MED1: variants seen among roughly 807,000 people sequenced by gnomAD.
MED1 encodes mediator complex subunit 1.
In MED1, 17 loss-of-function variants were observed where a neutral mutation model predicts 121.3. That is an observed-to-expected ratio of 0.14 (90% confidence interval 0.10 to 0.21). The LOEUF is 0.21. Among genes scored for constraint, MED1 ranks in the 10% least tolerant of loss-of-function variants. The probability of loss-of-function intolerance (pLI) is 1.00; values close to 1 mark genes in which losing one functional copy is unlikely to be tolerated. For missense variants in MED1, 1,558 were observed against 1,919.4 expected (o/e 0.81, Z 3.52); for synonymous variants, 661 against 694.4 (o/e 0.95, Z 0.76).
At chr17:39,434,162 A>T (rs2048596609) in intron 7 of MED1, 87 bp downstream of exon 7, 1 of 829,414 alleles carries the variant, frequency 1.2e-6, no homozygotes. Flanking sequence ...CAAACAGCAG[A>T]AGAGGTGGCA....
intron 2 of MED1, among the ~76,000 whole-genome samples, chr17:39,443,965 T>C (rs558084829): frequency 6.6e-6 from 1 of 152,240 alleles, no homozygotes; most frequent in Admixed American, 6.5e-5. Context: ...CCTGTTTCTA[T>C]TTAGTCAAAA....
In MED1 at chr17:39,408,112, C is replaced by T. The variant is rs1567917358; in HGVS notation, c.4109G>A (p.Ser1370Asn). The T allele has an allele frequency of 1.2e-6, 2 of 1,614,176 alleles. No individual in the cohort carries two copies. The highest frequency in any genetic ancestry group is 1.7e-6 in the Non-Finnish European group (2 of 1,180,036). Reference sequence around the variant, plus strand: ...GGTCTTCTTAGAAGAATCCACTGAACTCCCGGAGGTGGAAACCTTTGATTT... The same window carrying T: ...GGTCTTCTTAGAAGAATCCACTGAATTCCCGGAGGTGGAAACCTTTGATTT... ...KDKSKVSTSG[S>N]SVDSSKKTSE... The change falls in exon 17 of 17, where the codon AGT becomes AAT. Residue 1370 changes from serine to asparagine, a missense_variant. By Grantham distance (46) the Ser-to-Asn change is conservative. Transcript: ENST00000300651. The surrounding 1 kb of genome is among the most constrained non-coding windows in gnomAD (Gnocchi z 4.7).
rs1156564776 is a variant in MED1 at position 39,410,242 on chromosome 17, A to G, written c.1979T>C (p.Leu660Pro). 2.5e-6 allele frequency: 4 copies of G among 1,613,502 alleles called. No homozygotes were observed. The African/African-American group carries it at 5.4e-5, about 22-fold the overall frequency. The change falls in exon 17 of 17, where the codon CTT becomes CCT. Residue 660 changes from leucine (L) to proline (P), a missense_variant. By Grantham distance (98) the Leu-to-Pro change is moderately conservative. Around this residue, in one of 5 missense-constraint regions of MED1, gnomAD observed 793 missense variants for 898.2 expected, o/e 0.88. Transcript: ENST00000300651. ...CCTTTCTAAAGGGCTGCTTCCATAA[A>G]GGGTTGAGAAATCCTGGGCAGGATT... Reference protein sequence around the residue: ...KDNPAQDFSTLYGSSPLERQN... With the variant: ...KDNPAQDFSTPYGSSPLERQN...
rs773606600 is a variant in MED1, at chr17:39,440,988, A to G, written c.212-311T>C. Among the ~76,000 whole-genome samples the G allele has an allele frequency of 6.6e-6, 1 of 152,214 alleles. No individual in the cohort carries two copies. The highest frequency in any genetic ancestry group is 2.1e-4 in the South Asian group (1 of 4,834). ...TAATGATAGAATAAGGAAGATTAACATTAAAACTAACATTAAAAAAAACTC... is the reference window on the plus strand; with the variant it reads ...TAATGATAGAATAAGGAAGATTAACGTTAAAACTAACATTAAAAAAAACTC... On this transcript the variant is annotated intron_variant, in intron 3 of 16. Transcript: ENST00000300651. This position sits in a 1 kb window ranked among gnomAD's most constrained non-coding sequence, Gnocchi z 4.1.
Position 39,440,032 on chromosome 17 carries a change from A to T in MED1, c.399+354T>A, listed in dbSNP as rs867202021. The stretch of plus-strand genomic sequence containing the variant: ...AAGGAAGGAAGGAAAGAAAGAAAGA[A>T]AGAGAGAAAGAGAAAGAAAGAAAAG... On this transcript the variant is annotated intron_variant, in intron 5 of 16. Coordinates refer to ENST00000300651, the MANE Select transcript of MED1 (RefSeq NM_004774.4). This position sits in a 1 kb window ranked among gnomAD's most constrained non-coding sequence, Gnocchi z 4.1. 7.0e-6 allele frequency among the ~76,000 whole-genome samples: 1 copy of T among 142,664 alleles called. No homozygotes were observed. The highest frequency in any genetic ancestry group is 2.5e-5 in the African/African-American group (1 of 40,530). The allele number at this position is 142,664 out of a possible 152,430, so 93.6% of individuals were successfully genotyped here.
chr17:39,417,096 C>G (rs963277308), intron 14 of MED1, among the ~76,000 whole-genome samples: 2 of 150,854 alleles, frequency 1.3e-5, no homozygotes, highest in Non-Finnish European at 3.0e-5. Flanking sequence ...TTTGGGAGGC[C>G]GAGGCAGGCA....
chr17:39,440,224 A>C lies in MED1; in HGVS notation c.399+162T>G, dbSNP rs1252670576. 6.6e-6 allele frequency among the ~76,000 whole-genome samples: 1 copy of C among 152,122 alleles called. No homozygotes were observed. Among genetic ancestry groups the C allele is most frequent in the Non-Finnish European group, 1.5e-5 (1 of 68,028 alleles). On this transcript the variant is annotated intron_variant, in intron 5 of 16. Transcript: ENST00000300651. This position sits in a 1 kb window ranked among gnomAD's most constrained non-coding sequence, Gnocchi z 4.1. ...TCAGAGATGGGACCCATATTTTCTA[A>C]ATCCCATTCTATAGCTGTTGATTTT...
chr17:39,439,124 C>G, intron 6 of MED1, 41 bp downstream of exon 6: 1 of 1,571,016 alleles, frequency 6.4e-7, no homozygotes, highest in Non-Finnish European at 8.6e-7. Flanking sequence ...AAGAACAGCA[C>G]TGTCTGTCAA....
At chr17:39,428,691 A>G (rs1338313757) in intron 9 of MED1, among the ~76,000 whole-genome samples, 3 of 151,124 alleles carry the variant, frequency 2.0e-5, no homozygotes, top group East Asian at 2.0e-4. Context: ...GGTGGCACAC[A>G]CCTGTAATCC....
chr17:39,426,990 G>A (rs988980646), intron 10 of MED1, among the ~76,000 whole-genome samples: 5 of 151,844 alleles, frequency 3.3e-5, no homozygotes, highest in African/African-American at 9.7e-5. Flanking sequence ...GCACGATCAT[G>A]GTATGCTACA....
At chr17:39,438,836 C>A (rs1464344491) in intron 6 of MED1, among the ~76,000 whole-genome samples, 1 of 152,146 alleles carries the variant, frequency 6.6e-6, no homozygotes, top group Non-Finnish European at 1.5e-5. Context: ...GCAGTCCCAG[C>A]CGCTCTGGAG....
intron 7 of MED1, among the ~76,000 whole-genome samples, 192 bp downstream of exon 7, chr17:39,434,057 G>A (rs2048595481): frequency 6.6e-6 from 1 of 152,088 alleles, no homozygotes; most frequent in Admixed American, 6.6e-5. Flanking sequence ...CATTATGATC[G>A]ATTAATGCAG....
chr17:39,418,286 C>T (rs2048429319), intron 14 of MED1, among the ~76,000 whole-genome samples: 1 of 151,958 alleles, frequency 6.6e-6, no homozygotes, highest in Non-Finnish European at 1.5e-5. Context: ...CACCTATTAT[C>T]CCAGCACCTT....
rs2144766073 is a variant in MED1 at position 39,440,826 on chromosome 17, G to C, written c.212-149C>G. Reference sequence around the variant, plus strand: ...ATTTACATAAAGTTCACTGATTAGGGTTAGCTGTGGCCTATGCAGTACTAA... The same window carrying C: ...ATTTACATAAAGTTCACTGATTAGGCTTAGCTGTGGCCTATGCAGTACTAA... On this transcript the variant is annotated intron_variant, in intron 3 of 16. Transcript: ENST00000300651. This position sits in a 1 kb window ranked among gnomAD's most constrained non-coding sequence, Gnocchi z 4.1. The C allele has an allele frequency of 3.9e-6, 3 of 765,046 alleles. No individual in the cohort carries two copies. In the South Asian group the frequency reaches 5.2e-5, roughly 13 times the overall value. The allele number at this position is 765,046 out of a possible 1,614,324, so 47.4% of individuals were successfully genotyped here.
chr17:39,411,954 CTGAGATTGTGCCA>C (rs1723222767), intron 16 of MED1, among the ~76,000 whole-genome samples: 2 of 151,170 alleles, frequency 1.3e-5, no homozygotes, highest in Admixed American at 1.3e-4. Context: ...TTGCAGTGAG[CTGAGATTGTGCCA>C]TGGCACTCCA....
intron 3 of MED1, among the ~76,000 whole-genome samples, chr17:39,441,306 G>A (rs531426040): frequency 1.3e-5 from 2 of 152,300 alleles, no homozygotes; most frequent in Admixed American, 1.3e-4. Flanking sequence ...GGGACTGGGG[G>A]AAGGCGGGAA....
chr17:39,424,869 A>G lies in MED1; in HGVS notation c.740-131T>C. The G allele has an allele frequency of 9.9e-6, 6 of 606,888 alleles. No individual in the cohort carries two copies. The Admixed American group carries it at 2.1e-4, about 21-fold the overall frequency. 37.6% of individuals were successfully genotyped at this position (606,888 alleles called of 1,614,324 possible). A position where few individuals can be genotyped will look rare whatever the true frequency, so the allele number is the denominator to read the frequency against. On this transcript the variant is annotated intron_variant, in intron 10 of 16. Coordinates refer to ENST00000300651, the MANE Select transcript of MED1 (RefSeq NM_004774.4). ...ATCAGATGCTGTTATTCCCTTATTTATTTATTTATGTATTTATTTATTTAT... is the reference window on the plus strand; with the variant it reads ...ATCAGATGCTGTTATTCCCTTATTTGTTTATTTATGTATTTATTTATTTAT...
At position 39,439,222 on chromosome 17, in the gene MED1, A is replaced by G. The variant is rs1207551557; in HGVS notation, c.400-29T>C. On this transcript the variant is annotated intron_variant, in intron 5 of 16. Transcript: ENST00000300651. The stretch of plus-strand genomic sequence containing the variant: ...AAATCAAAGAAAATTATGTTAAAAC[A>G]TTAAAACTACTTTAGCAACTTTGAA... 4 of 1,567,416 alleles carry G rather than the reference A, an allele frequency of 2.6e-6. No individual in the cohort carries two copies. In the Admixed American group the frequency reaches 8.7e-5, roughly 34 times the overall value.
In MED1 at chr17:39,405,393, T is replaced by C. The variant is rs1173631496; in HGVS notation, c.*2082A>G. On this transcript the variant is annotated 3_prime_UTR_variant, in exon 17 of 17. Coordinates refer to ENST00000300651, the MANE Select transcript of MED1 (RefSeq NM_004774.4). The stretch of plus-strand genomic sequence containing the variant: ...GCCCTGCATGGGGGAGCTGAGCCCA[T>C]GATACTATTCAGTACATTCCCCCTA... 3.2e-5 allele frequency: 50 copies of C among 1,551,062 alleles called. 1 individual carries two copies. In the East Asian group the frequency reaches 1.1e-3, roughly 35 times the overall value.
Sources: allele counts gnomAD v4.1 joint callset (sites outside exome capture counted in the v4.1 genomes callset), GRCh38; gene constraint gnomAD v4.1.1; regional missense constraint gnomAD v4.1.1; non-coding constraint Gnocchi (gnomAD v3.1); transcripts MANE v1.5; gene names NCBI Gene and HGNC (gene_info 2026-07-23, HGNC 2026-07-21).